CGB1: variants seen among roughly 807,000 people sequenced by gnomAD.
CGB1 encodes chorionic gonadotropin subunit beta 1.
CGB1 carries 4 observed loss-of-function variants against 7.0 expected under a neutral mutation model. That is an observed-to-expected ratio of 0.57 (90% confidence interval 0.28 to 1.31). CGB1 has a LOEUF of 1.31. Among genes scored for constraint, CGB1 ranks in the 50% most tolerant of loss-of-function variants. CGB1 has a pLI of 0.10. For missense variants in CGB1, 139 were observed against 219.1 expected, an observed-to-expected ratio of 0.63 and a Z score of 2.31; for synonymous variants, 72 against 96.4, an observed-to-expected ratio of 0.75 and a Z score of 1.48.
rs1247688792 is a variant in CGB1, at chr19:49,035,669, A to G, written c.409T>C (p.Ser137Pro). The change falls in exon 3 of 3, where the codon TCT (serine) becomes CCT (proline). Residue 137 changes from serine (S) to proline (P), a missense_variant. Ser to Pro is a moderately conservative substitution (Grantham distance 74). Coordinates refer to ENST00000301407, the MANE Select transcript of CGB1 (RefSeq NM_033377.2). ...CTGGGGGGAGGGGCCTTTGAGGAAG[A>G]GGAGTCCTGGAAGCGGGGGTCATCA... ...TCDDPRFQDS[S>P]SSKAPPPSLP... 6.2e-7 allele frequency: 1 copy of G among 1,610,528 alleles called. No individual in the cohort carries two copies. The highest frequency in any genetic ancestry group is 1.4e-5 in the African/African-American group (1 of 73,812).
rs765647516 is a variant in CGB1, at chr19:49,036,731, A to G, written c.-20T>C. ...TGACATGTCTCTCTCTTAGCGGGAT[A>G]TCTTCCGCAAGCACTGGGAATGTGG... On this transcript the variant is annotated 5_prime_UTR_variant, in exon 1 of 3. Coordinates refer to ENST00000301407, the MANE Select transcript of CGB1 (RefSeq NM_033377.2). The G allele has an allele frequency of 6.2e-6, 10 of 1,613,762 alleles. No individual in the cohort carries two copies. In the Admixed American group the frequency reaches 6.7e-5, roughly 11 times the overall value.
rs147731004 is a variant in CGB1, at chr19:49,036,273, C to T, written c.40G>A (p.Gly14Ser). Residue 14 changes from glycine to serine, a missense_variant, in exon 2 of 3, where the codon GGC (glycine) becomes AGC (serine). This residue lies in a region of CGB1 where 24 missense variants were observed against 23.9 expected (regional missense o/e 1.00). Coordinates refer to ENST00000301407, the MANE Select transcript of CGB1 (RefSeq NM_033377.2). ...RLLLLLLLSMGGTWASKEPLR... is the reference protein window; with the variant it reads ...RLLLLLLLSMSGTWASKEPLR... ...GGCTCCTTGGATGCCCATGTCCCGC[C>T]CATGCTCAGCAGCAGCAACAGCAGC... The T allele has an allele frequency of 1.2e-6, 2 of 1,607,266 alleles. No individual in the cohort carries two copies. The highest frequency in any genetic ancestry group is 4.5e-5 in the East Asian group (2 of 44,852).
Position 49,036,149 on chromosome 19 carries a change from T to A in CGB1, c.164A>T (p.Tyr55Phe). ...CGGGCAGCTCACCATGGTGGGGCAG[T>A]AGCCGGCACAGATGGTGGTGTTGAC... ...ITVNTTICAG[Y>F]CPTMTRVLQG... is the part of the protein sequence containing the mutation. Residue 55 changes from tyrosine (Y) to phenylalanine (F), a missense_variant, in exon 2 of 3, where the codon TAC becomes TTC. Tyr to Phe is a conservative substitution (Grantham distance 22, BLOSUM62 3). Transcript: ENST00000301407. The A allele has an allele frequency of 6.2e-7, 1 of 1,609,084 alleles. No individual in the cohort carries two copies. Among genetic ancestry groups the A allele is most frequent in the Non-Finnish European group, 8.5e-7 (1 of 1,179,798 alleles).
Position 49,036,829 on chromosome 19 carries a change from C to G in CGB1, c.-118G>C, listed in dbSNP as rs1006650939. 2 of 1,489,872 alleles carry G rather than the reference C, an allele frequency of 1.3e-6. No homozygotes were observed. Among genetic ancestry groups the G allele is most frequent in the Middle Eastern group, 1.7e-4 (1 of 5,810 alleles). The allele number at this position is 1,489,872 out of a possible 1,614,324, so 92.3% of individuals were successfully genotyped here. A position where few individuals can be genotyped will look rare whatever the true frequency, so the allele number is the denominator to read the frequency against. On this transcript the variant is annotated 5_prime_UTR_variant, in exon 1 of 3. Transcript: ENST00000301407. Reference sequence around the variant, plus strand: ...AGGGGTGTTGGACGCGGCACGGGAACCTGGCCAGAGTCAGCGGACCCAATT... The same window carrying G: ...AGGGGTGTTGGACGCGGCACGGGAAGCTGGCCAGAGTCAGCGGACCCAATT...
intron 1 of CGB1, 135 bp from the exon 2 acceptor site, chr19:49,036,438 G>T (rs1371826121): frequency 1.3e-6 from 2 of 1,570,978 alleles, no homozygotes; most frequent in African/African-American, 2.7e-5. Flanking sequence ...CCACCACCCG[G>T]ACACCTGCCT....
chr19:49,036,716 C>T lies in CGB1; in HGVS notation c.-5G>A, dbSNP rs746052565. The T allele has an allele frequency of 1.8e-5, 29 of 1,613,824 alleles. No individual in the cohort carries two copies. The highest frequency in any genetic ancestry group is 2.7e-5 in the African/African-American group (2 of 74,916). On this transcript the variant is annotated 5_prime_UTR_variant, in exon 1 of 3. Transcript: ENST00000301407. ...GATCTACCCTACCTTTGACATGTCT[C>T]TCTCTTAGCGGGATATCTTCCGCAA...
In CGB1 at chr19:49,036,690, G is replaced by C. The variant is rs113383936; in HGVS notation, c.9+13C>G. On this transcript the variant is annotated intron_variant, in intron 1 of 2. Transcript: ENST00000301407. Reference sequence around the variant, plus strand: ...CTCCATCTTTGGTGCCCGGAAATGTGGATCTACCCTACCTTTGACATGTCT... The same window carrying C: ...CTCCATCTTTGGTGCCCGGAAATGTCGATCTACCCTACCTTTGACATGTCT... 7.6e-4 allele frequency: 1,233 copies of C among 1,612,738 alleles called. 18 individuals are homozygous for C. In the South Asian group the frequency reaches 8.6e-3, roughly 11 times the overall value.
rs763481551 is a variant in CGB1 at position 49,035,639 on chromosome 19, G to C, written c.439C>G (p.Pro147Ala). ...SSSKAPPPSL[P>A]SPSRLPGP ...GGCCCCGGGAGACGGGATGGACTTG[G>C]AAGGCTGGGGGGAGGGGCCTTTGAG... Residue 147 changes from proline to alanine, a missense_variant, in exon 3 of 3, where the codon CCA becomes GCA. Coordinates refer to ENST00000301407, the MANE Select transcript of CGB1 (RefSeq NM_033377.2). The C allele has an allele frequency of 1.2e-6, 2 of 1,611,412 alleles. No homozygotes were observed. The highest frequency in any genetic ancestry group is 1.7e-6 in the Non-Finnish European group (2 of 1,179,902).
intron 1 of CGB1, 64 bp downstream of exon 1, chr19:49,036,639 G>A (rs897003433): frequency 1.2e-5 from 19 of 1,613,838 alleles, no homozygotes; most frequent in African/African-American, 2.7e-5. Context: ...AGGTGCCCAG[G>A]GGCCCTGCAG....
Position 49,036,492 on chromosome 19 carries a change from C to T in CGB1, c.10-189G>A, listed in dbSNP as rs2039820517. ...GCCCAGAGGACCTGAGATACCCCAA[C>T]ATTTCAGATCCGCACCCTCAGGAAC... On this transcript the variant is annotated intron_variant, in intron 1 of 2. Transcript: ENST00000301407. 4 of 1,564,540 alleles carry T rather than the reference C, an allele frequency of 2.6e-6. No homozygotes were observed. In the African/African-American group the frequency reaches 4.1e-5, roughly 16 times the overall value.
At chr19:49,036,341 G>A in intron 1 of CGB1, 38 bp from the exon 2 acceptor site, 5 of 1,602,816 alleles carry the variant, frequency 3.1e-6, no homozygotes, top group East Asian at 4.5e-5. Context: ...GTCTGAGACT[G>A]CAGCCCCCAG....
rs1232195649 is a variant in CGB1, at chr19:49,035,806, G to C, written c.272C>G (p.Pro91Arg). 1.6e-5 allele frequency: 26 copies of C among 1,585,102 alleles called. No individual in the cohort carries two copies. Among genetic ancestry groups the C allele is most frequent in the Non-Finnish European group, 2.1e-5 (24 of 1,164,450 alleles). The change falls in exon 3 of 3, where the codon CCG becomes CGG. Residue 91 changes from proline to arginine, a missense_variant. Coordinates refer to ENST00000301407, the MANE Select transcript of CGB1 (RefSeq NM_033377.2). ...RFESIRLPGC[P>R]RGVNPVVSYA... The stretch of plus-strand genomic sequence containing the variant: ...GGAGACCACGGGGTTCACGCCGCGC[G>C]GGCAGCCAGGGAGCCGGATGGACTC...
At chr19:49,036,662 C>A in intron 1 of CGB1, 41 bp downstream of exon 1, 2 of 1,613,982 alleles carry the variant, frequency 1.2e-6, no homozygotes, top group East Asian at 2.2e-5. Flanking sequence ...TTTCCTGGAA[C>A]ATCTCCATCT....
In CGB1 at chr19:49,036,292, C is replaced by A. The variant is rs1228003059; in HGVS notation, c.21G>T (p.Leu7=). The A allele has an allele frequency of 1.2e-6, 2 of 1,605,924 alleles. No homozygotes were observed. The highest frequency in any genetic ancestry group is 1.7e-6 in the Non-Finnish European group (2 of 1,179,576). Residue 7 remains leucine, a synonymous_variant, in exon 2 of 3, where the codon CTG becomes CTT. Coordinates refer to ENST00000301407, the MANE Select transcript of CGB1 (RefSeq NM_033377.2). MSKRLL[L]LLLLSMGGTW... ...TCCCGCCCATGCTCAGCAGCAGCAA[C>A]AGCAGCAGCCTCTGGGGCAAGGACA...
In CGB1 at chr19:49,036,309, G is replaced by A. The variant is rs35854464; in HGVS notation, c.10-6C>T. ...AGCAGCAACAGCAGCAGCCTCTGGG[G>A]CAAGGACACTGCTTCACCCGGGTCT... On this transcript the variant is annotated splice_polypyrimidine_tract_variant and splice_region_variant and intron_variant, in intron 1 of 2. Transcript: ENST00000301407. 0.22 allele frequency: 312,899 copies of A among 1,395,204 alleles called. 55,578 individuals are homozygous for A. Among genetic ancestry groups the A allele is most frequent in the Admixed American group, 0.31 (17,157 of 55,944 alleles). 86.4% of individuals were successfully genotyped at this position (1,395,204 alleles called of 1,614,324 possible). A position where few individuals can be genotyped will look rare whatever the true frequency, so the allele number is the denominator to read the frequency against.
In CGB1 at chr19:49,036,720, C is replaced by G. The variant is rs1215113238; in HGVS notation, c.-9G>C. On this transcript the variant is annotated 5_prime_UTR_variant, in exon 1 of 3. Coordinates refer to ENST00000301407, the MANE Select transcript of CGB1 (RefSeq NM_033377.2). Reference sequence around the variant, plus strand: ...TACCCTACCTTTGACATGTCTCTCTCTTAGCGGGATATCTTCCGCAAGCAC... The same window carrying G: ...TACCCTACCTTTGACATGTCTCTCTGTTAGCGGGATATCTTCCGCAAGCAC... 2 of 1,613,782 alleles carry G rather than the reference C, an allele frequency of 1.2e-6. No individual in the cohort carries two copies. Among genetic ancestry groups the G allele is most frequent in the African/African-American group, 1.3e-5 (1 of 74,916 alleles).
chr19:49,036,678 G>A, intron 1 of CGB1, 25 bp downstream of exon 1: 1 of 1,613,918 alleles, frequency 6.2e-7, no homozygotes, highest in South Asian at 1.1e-5. Flanking sequence ...CATCTTTGGT[G>A]CCCGGAAATG....
In CGB1 at chr19:49,036,120, G is replaced by C. The variant is rs779085659; in HGVS notation, c.177+16C>G. The C allele has an allele frequency of 6.2e-7, 1 of 1,607,694 alleles. No individual in the cohort carries two copies. The highest frequency in any genetic ancestry group is 8.5e-7 in the Non-Finnish European group (1 of 1,179,772). ...CCCTGAGGTGGCAGCACCTGCCCTGGCCCCGGGCAGCTCACCATGGTGGGG... is the reference window on the plus strand; with the variant it reads ...CCCTGAGGTGGCAGCACCTGCCCTGCCCCCGGGCAGCTCACCATGGTGGGG... On this transcript the variant is annotated intron_variant, in intron 2 of 2. Coordinates refer to ENST00000301407, the MANE Select transcript of CGB1 (RefSeq NM_033377.2).
intron 1 of CGB1, 58 bp downstream of exon 1, chr19:49,036,645 T>C (rs1187791620): frequency 3.7e-6 from 6 of 1,613,980 alleles, no homozygotes; most frequent in Non-Finnish European, 5.1e-6. Context: ...CCAGGGGCCC[T>C]GCAGTCTTTC....
Sources: gnomAD v4.1 joint callset for allele counts on GRCh38, gnomAD v4.1.1 for gene constraint, gnomAD v4.1.1 regional missense constraint, MANE v1.5 for transcripts, NCBI Gene and HGNC (gene_info 2026-07-23, HGNC 2026-07-21) for gene names.